Variants in RC3H2 observed in about 807,000 individuals in gnomAD.
RC3H2 encodes ring finger and CCCH-type domains 2.
A neutral mutation model predicts 133.3 loss-of-function variants in RC3H2; 31 were observed. The ratio of observed to expected loss-of-function variants is 0.23; its 90% CI spans 0.17 to 0.31. The LOEUF (loss-of-function observed/expected upper bound fraction) is 0.31, where lower values mean the gene tolerates loss of function less well. Among genes scored for constraint, RC3H2 ranks in the 10% least tolerant of loss-of-function variants. The probability of loss-of-function intolerance (pLI) is 1.00; values close to 1 mark genes in which losing one functional copy is unlikely to be tolerated. For missense variants in RC3H2, 1,175 were observed against 1,437.2 expected (o/e 0.82, Z 2.95); for synonymous variants, 517 against 502.2 (o/e 1.03, Z -0.40).
intron 1 of RC3H2, chr9:122,898,140 C>T (rs1454771765): frequency 6.6e-6 from 1 of 152,242 alleles, no homozygotes; most frequent in African/African-American, 2.4e-5. Context: ...TGAAAATCAA[C>T]ATATAAGAGA....
chr9:122,878,829 G>A (rs899789152), intron 8 of RC3H2, among the ~76,000 whole-genome samples: 2 of 151,604 alleles, frequency 1.3e-5, no homozygotes, highest in Non-Finnish European at 2.9e-5. Context: ...GCTCACTGTA[G>A]CCTCCATCTC....
chr9:122,854,661 A>T, intron 15 of RC3H2, 46 bp from the exon 16 acceptor site: 1 of 1,252,166 alleles, frequency 8.0e-7, no homozygotes, highest in Non-Finnish European at 1.2e-6. Flanking sequence ...GTGAAAAATC[A>T]GTGTACTGAG....
chr9:122,850,983 C>A, intron 20 of RC3H2, 98 bp downstream of exon 20: 1 of 1,294,470 alleles, frequency 7.7e-7, no homozygotes, highest in Non-Finnish European at 1.1e-6. Flanking sequence ...CATATAAGGT[C>A]TTCCCCTCAC....
chr9:122,904,853 G>A (rs1244308955), intron 1 of RC3H2, among the ~76,000 whole-genome samples: 1 of 152,150 alleles, frequency 6.6e-6, no homozygotes, highest in African/African-American at 2.4e-5. Flanking sequence ...GGTCAGAGGC[G>A]TCCGCTCGGC....
intron 10 of RC3H2, among the ~76,000 whole-genome samples, chr9:122,862,619 G>T (rs954131672): frequency 6.6e-6 from 1 of 152,096 alleles, no homozygotes; most frequent in African/African-American, 2.4e-5. Flanking sequence ...TACCAGCTGG[G>T]CACAGTGGCT....
rs994150079 is a variant in RC3H2, at chr9:122,905,249, G to A, written c.-207C>T. ...ACCTCAAACTCCATCGGGAGCTACA[G>A]GGACAGCCCCGTTGGCGGCGGCGAA... On this transcript the variant is annotated 5_prime_UTR_variant, in exon 1 of 21. Coordinates refer to ENST00000357244, the MANE Select transcript of RC3H2 (RefSeq NM_001100588.3). 2.0e-6 allele frequency: 2 copies of A among 985,650 alleles called. No individual in the cohort carries two copies. The highest frequency in any genetic ancestry group is 2.4e-6 in the Non-Finnish European group (2 of 830,012). The allele number at this position is 985,650 out of a possible 1,614,324, so 61.1% of individuals were successfully genotyped here.
intron 9 of RC3H2, among the ~76,000 whole-genome samples, chr9:122,866,839 G>A (rs951379664): frequency 6.6e-6 from 1 of 152,164 alleles, no homozygotes; most frequent in African/African-American, 2.4e-5. Flanking sequence ...CGTCTGGGAA[G>A]TGAGGAGCGT....
chr9:122,874,812 A>G (rs990413916), intron 9 of RC3H2: 2 of 175,596 alleles, frequency 1.1e-5, no homozygotes, highest in Admixed American at 1.1e-4. Flanking sequence ...GAGCCACTAC[A>G]CCTAGTTTGG....
Position 122,860,274 on chromosome 9 carries a change from G to C in RC3H2, c.1635-143C>G, listed in dbSNP as rs1830406954. On this transcript the variant is annotated intron_variant, in intron 10 of 20. Transcript: ENST00000357244. ...TTGCCACATTGACAAATAAGGCAAT[G>C]AATTTCACTGCCACCTTACACAGCT... 4 of 625,254 alleles carry C rather than the reference G, an allele frequency of 6.4e-6. No homozygotes were observed. In the Admixed American group the frequency reaches 8.6e-5, roughly 13 times the overall value. 38.7% of individuals were successfully genotyped at this position (625,254 alleles called of 1,614,324 possible).
At position 122,870,405 on chromosome 9, in the gene RC3H2, CAAACAAACAAAA is replaced by C. The variant is rs963829202; in HGVS notation, c.1326-4760_1326-4749del. Among the ~76,000 whole-genome samples the C allele has an allele frequency of 1.9e-3, 133 of 70,020 alleles. 2 individuals carry two copies. Among genetic ancestry groups the C allele is most frequent in the Middle Eastern group, 7.1e-3 (1 of 140 alleles). 45.9% of individuals were successfully genotyped at this position (70,020 alleles called of 152,430 possible). A position where few individuals can be genotyped will look rare whatever the true frequency, so the allele number is the denominator to read the frequency against. ...ACAAACAAACAAACAAACAAACAAACAAACAAACAAAAAAAAAACAACAAACTGAGATAATCC... is the reference window on the plus strand; with the variant it reads ...ACAAACAAACAAACAAACAAACAAACAAAAAACAACAAACTGAGATAATCC... On this transcript the variant is annotated intron_variant, in intron 9 of 20. Coordinates refer to ENST00000357244, the MANE Select transcript of RC3H2 (RefSeq NM_001100588.3).
Position 122,883,196 on chromosome 9 carries a change from C to T in RC3H2, c.759+8G>A. On this transcript the variant is annotated splice_region_variant and intron_variant, in intron 5 of 20. Transcript: ENST00000357244. ...AGGCATGTCTTTACATAGATACTTACTGCTTACCTTAAAACAAGAAGCTCG... is the reference window on the plus strand; with the variant it reads ...AGGCATGTCTTTACATAGATACTTATTGCTTACCTTAAAACAAGAAGCTCG... 4.3e-6 allele frequency: 7 copies of T among 1,609,824 alleles called. No homozygotes were observed. In the East Asian group the frequency reaches 6.7e-5, roughly 15 times the overall value.
At chr9:122,897,834 T>G (rs1444746945) in intron 1 of RC3H2, 1 of 192,738 alleles carries the variant, frequency 5.2e-6, no homozygotes, top group Non-Finnish European at 1.1e-5. Flanking sequence ...CATCAAAGCT[T>G]TTATGTATTT....
intron 10 of RC3H2, among the ~76,000 whole-genome samples, chr9:122,863,087 CT>C (rs1830520729): frequency 6.6e-6 from 1 of 152,122 alleles, no homozygotes; most frequent in Non-Finnish European, 1.5e-5. Flanking sequence ...TTCCCCATTC[CT>C]GTCCCAGCCC....
chr9:122,900,456 T>C (rs1231845171), intron 1 of RC3H2, among the ~76,000 whole-genome samples: 2 of 152,180 alleles, frequency 1.3e-5, no homozygotes, highest in African/African-American at 4.8e-5. Flanking sequence ...ACCTAAAACA[T>C]AGAAGAAACT....
chr9:122,867,262 C>T (rs1311653399), intron 9 of RC3H2, among the ~76,000 whole-genome samples: 2 of 123,226 alleles, frequency 1.6e-5, no homozygotes, highest in African/African-American at 3.2e-5. Flanking sequence ...CGGCCAGCCG[C>T]CCCGTCCGGG....
At chr9:122,897,797 A>G (rs1291844070) in intron 1 of RC3H2, 1 of 282,034 alleles carries the variant, frequency 3.5e-6, no homozygotes, top group East Asian at 7.4e-5. Context: ...ACTAAACTGT[A>G]TTTATATTGG....
intron 18 of RC3H2, among the ~76,000 whole-genome samples, chr9:122,852,011 G>A (rs1037119779): frequency 1.3e-5 from 2 of 150,584 alleles, no homozygotes; most frequent in African/African-American, 4.9e-5. Flanking sequence ...TGGAAAGTGA[G>A]GACCGTCTCT....
intron 1 of RC3H2, among the ~76,000 whole-genome samples, chr9:122,900,497 A>T (rs928728770): frequency 2.0e-5 from 3 of 152,188 alleles, no homozygotes; most frequent in Non-Finnish European, 2.9e-5. Context: ...CTTTGTAAAC[A>T]TTTACCTAGA....
chr9:122,898,885 C>T (rs545198916), intron 1 of RC3H2, among the ~76,000 whole-genome samples: 74 of 152,098 alleles, frequency 4.9e-4, no homozygotes, highest in African/African-American at 1.7e-3. Flanking sequence ...CTGACAAAAG[C>T]TCTCTGGTGA....
Sources: allele counts gnomAD v4.1 joint callset (sites outside exome capture counted in the v4.1 genomes callset), GRCh38; gene constraint gnomAD v4.1.1; transcripts MANE v1.5; gene names NCBI Gene and HGNC (gene_info 2026-07-23, HGNC 2026-07-21).